TSPEAR: variants seen among roughly 807,000 people sequenced by gnomAD.
TSPEAR encodes the protein thrombospondin-type laminin G domain and EAR repeat-containing protein.
Under a neutral mutation model 71.6 loss-of-function variants are expected in TSPEAR, and 69 were observed. The ratio of observed to expected loss-of-function variants is 0.96; its 90% CI spans 0.79 to 1.18. The LOEUF is 1.18. TSPEAR is among the 50% of genes most tolerant of loss of function. The pLI, the probability that TSPEAR is intolerant of heterozygous loss-of-function variation, is 0.00. For synonymous variants in TSPEAR, 402 were observed against 387.2 expected (o/e 1.04, Z -0.45); for missense variants, 971 against 894.9 (o/e 1.09, Z -1.09).
chr21:44,682,001 C>T, intron 1 of TSPEAR: 1 of 1,610,198 alleles, frequency 6.2e-7, no homozygotes, highest in Non-Finnish European at 8.5e-7. Context: ...ACACGGCTGG[C>T]TTGAAGCTCA....
At chr21:44,551,399 G>A (rs782776344) in intron 2 of TSPEAR, 68 of 1,613,354 alleles carry the variant, frequency 4.2e-5, no homozygotes, top group Middle Eastern at 1.8e-4. Flanking sequence ...CTGGGCAGTC[G>A]TCCACCTGCC....
In TSPEAR at chr21:44,637,659, A is replaced by G. The variant is rs1393401064; in HGVS notation, c.83-69654T>C. ...CCATGCTACCAGCAGTCTAGCTGCC[A>G]GCCGGATTGCTGCACCTCCTCCCCC... is the stretch of plus-strand genomic sequence containing the variant. On this transcript the variant is annotated intron_variant, in intron 1 of 11. Transcript: ENST00000323084. The G allele has an allele frequency of 6.3e-7, 1 of 1,581,716 alleles. No homozygotes were observed. Among genetic ancestry groups the G allele is most frequent in the Non-Finnish European group, 8.6e-7 (1 of 1,162,358 alleles).
chr21:44,676,951 G>C (rs1986341804), intron 1 of TSPEAR: 1 of 915,062 alleles, frequency 1.1e-6, no homozygotes, highest in African/African-American at 1.6e-5. Context: ...ATCATCAGTA[G>C]AGAGCTTGTC....
intron 1 of TSPEAR, among the ~76,000 whole-genome samples, chr21:44,704,582 G>A (rs1488047566): frequency 6.6e-6 from 1 of 152,232 alleles, no homozygotes; most frequent in Non-Finnish European, 1.5e-5. Flanking sequence ...TACCCAGATT[G>A]TTCAACACCG....
chr21:44,609,716 CAT>C (rs1981537747), intron 1 of TSPEAR, among the ~76,000 whole-genome samples: 1 of 152,130 alleles, frequency 6.6e-6, no homozygotes, highest in Non-Finnish European at 1.5e-5. Flanking sequence ...AGGGGAAAAA[CAT>C]AAACAAAAAC....
intron 1 of TSPEAR, among the ~76,000 whole-genome samples, chr21:44,633,268 G>C (rs1385310118): frequency 6.6e-6 from 1 of 151,928 alleles, no homozygotes; most frequent in Non-Finnish European, 1.5e-5. Context: ...CTTCTTCTAG[G>C]TTTTGGTTTA....
At chr21:44,567,732 T>G in intron 2 of TSPEAR, 53 bp downstream of exon 2, 1 of 1,480,050 alleles carries the variant, frequency 6.8e-7, no homozygotes, top group Non-Finnish European at 9.1e-7. Context: ...ACTGGGAACC[T>G]CACAAGGGAA....
At chr21:44,671,203 G>C (rs1044366585) in intron 1 of TSPEAR, among the ~76,000 whole-genome samples, 4 of 152,210 alleles carry the variant, frequency 2.6e-5, no homozygotes, top group African/African-American at 9.7e-5. Flanking sequence ...TTGGGGACTG[G>C]CTTGCCCAGC....
chr21:44,593,243 C>G lies in TSPEAR; in HGVS notation c.83-25238G>C, dbSNP rs1465635077. The stretch of plus-strand genomic sequence containing the variant: ...TGCTGAGCAGCGGGCGGTCAGCAGC[C>G]CTCGTCCCCGCCTGGGGTGGCTCCT... On this transcript the variant is annotated intron_variant, in intron 1 of 11. Coordinates refer to ENST00000323084, the MANE Select transcript of TSPEAR (RefSeq NM_144991.3). This position sits in a 1 kb window ranked among gnomAD's most constrained non-coding sequence, Gnocchi z 5.9. Among the ~76,000 whole-genome samples, 4 of 152,102 alleles carry G rather than the reference C, an allele frequency of 2.6e-5. No individual in the cohort carries two copies. Among genetic ancestry groups the G allele is most frequent in the African/African-American group, 4.8e-5 (2 of 41,410 alleles).
At chr21:44,615,559 T>TTTGTTTG (rs1555932290) in intron 1 of TSPEAR, among the ~76,000 whole-genome samples, 2 of 150,922 alleles carry the variant, frequency 1.3e-5, no homozygotes, top group African/African-American at 4.9e-5. Flanking sequence ...GTTTTTTTTT[T>TTTGTTTG]TTTTTTAAAT....
At chr21:44,702,567 C>T in intron 1 of TSPEAR, 1 of 1,609,256 alleles carries the variant, frequency 6.2e-7, no homozygotes, top group Non-Finnish European at 8.5e-7. Context: ...AGTCTAGCTG[C>T]CAGCCGGCTT....
intron 2 of TSPEAR, among the ~76,000 whole-genome samples, chr21:44,543,860 C>A (rs1432204624): frequency 2.6e-5 from 4 of 152,146 alleles, no homozygotes; most frequent in Non-Finnish European, 5.9e-5. Flanking sequence ...TCCATTGTTT[C>A]CAGTCACACT....
At chr21:44,694,820 G>C (rs1987262660) in intron 1 of TSPEAR, among the ~76,000 whole-genome samples, 1 of 152,218 alleles carries the variant, frequency 6.6e-6, no homozygotes. Context: ...AGCTCGTGGA[G>C]GAAGTGGGGA....
At chr21:44,666,877 T>C in intron 1 of TSPEAR, 7 of 1,613,510 alleles carry the variant, frequency 4.3e-6, no homozygotes, top group Non-Finnish European at 5.9e-6. Flanking sequence ...GAGCAGCTGG[T>C]ATGACACATG....
intron 2 of TSPEAR, chr21:44,540,309 C>A: frequency 8.0e-7 from 1 of 1,243,614 alleles, no homozygotes; most frequent in Non-Finnish European, 1.1e-6. Flanking sequence ...CCACAGCGTC[C>A]CCTTCCTGGT....
chr21:44,636,931 G>A (rs1983608859), intron 1 of TSPEAR, among the ~76,000 whole-genome samples: 2 of 152,200 alleles, frequency 1.3e-5, no homozygotes, highest in Admixed American at 6.5e-5. Context: ...GCCAGGAAGC[G>A]CTGTCTTCAA....
rs2052930687 is a variant in TSPEAR, at chr21:44,529,816, C to T, written c.772G>A (p.Val258Met). ...TACTAACCATAGGGATATTTTAGCA[C>T]CTCGTTATCTTCTGGCTTCCCCGTG... Reference protein sequence around the residue: ...ALTGKPEDNEVLKYPYETNIR... With the variant: ...ALTGKPEDNEMLKYPYETNIR... Residue 258 changes from valine (V) to methionine (M), a missense_variant, in exon 5 of 12, where the codon GTG (valine) becomes ATG (methionine). Val to Met is a conservative substitution (Grantham distance 21). Transcript: ENST00000323084. 3.7e-6 allele frequency: 6 copies of T among 1,613,808 alleles called. No individual in the cohort carries two copies. Among genetic ancestry groups the T allele is most frequent in the African/African-American group, 2.7e-5 (2 of 74,932 alleles).
intron 2 of TSPEAR, among the ~76,000 whole-genome samples, chr21:44,556,337 C>T (rs587697541): frequency 1.3e-5 from 2 of 152,032 alleles, no homozygotes; most frequent in South Asian, 4.2e-4. Context: ...GATTGCTCCA[C>T]TGCACTCTAG....
rs782543541 is a variant in TSPEAR, at chr21:44,509,227, C to T, written c.1726G>A (p.Val576Ile). Residue 576 changes from valine to isoleucine, a missense_variant, in exon 10 of 12, where the codon GTC becomes ATC. Physicochemically the swap from Val to Ile is conservative, Grantham distance 29 (BLOSUM62 3). Coordinates refer to ENST00000323084, the MANE Select transcript of TSPEAR (RefSeq NM_144991.3). ...YELNVTAQAF[V>I]KFQDILTCSA... ...CAGGTGAGAATGTCCTGGAACTTGA[C>T]AAAGGCCTGCGCGGTCACGTTCAGC... 7 of 1,614,020 alleles carry T rather than the reference C, an allele frequency of 4.3e-6. No homozygotes were observed. The highest frequency in any genetic ancestry group is 5.1e-6 in the Non-Finnish European group (6 of 1,180,004).
Sources: allele counts gnomAD v4.1 joint callset (sites outside exome capture counted in the v4.1 genomes callset), GRCh38; gene constraint gnomAD v4.1.1; non-coding constraint Gnocchi (gnomAD v3.1); transcripts MANE v1.5; gene names NCBI Gene and HGNC (gene_info 2026-07-23, HGNC 2026-07-21).